The following ANKS1B variants were observed in gnomAD, a reference collection of about 807,000 sequenced individuals.
The protein encoded by ANKS1B is ankyrin repeat and sterile alpha motif domain containing 1B.
A neutral mutation model predicts 148.3 loss-of-function variants in ANKS1B; 36 were observed. The observed-to-expected ratio is 0.24, with a 90% CI of 0.19 to 0.32. The LOEUF (loss-of-function observed/expected upper bound fraction) is 0.32. ANKS1B is among the 10% of genes least tolerant of loss of function. ANKS1B has a pLI of 1.00. For missense variants in ANKS1B, 1,157 were observed against 1,542.6 expected, an observed-to-expected ratio of 0.75 and a Z score of 4.19; for synonymous variants, 542 against 560.8, an observed-to-expected ratio of 0.97 and a Z score of 0.47.
chr12:99,640,576 C>A (rs2098292936), intron 9 of ANKS1B, among the ~76,000 whole-genome samples: 1 of 152,122 alleles, frequency 6.6e-6, no homozygotes, highest in African/African-American at 2.4e-5. Flanking sequence ...GGAAGAAAGC[C>A]CTTGACAGAT....
intron 22 of ANKS1B, among the ~76,000 whole-genome samples, chr12:98,783,735 G>A (rs530785235): frequency 6.6e-6 from 1 of 152,172 alleles, no homozygotes; most frequent in Non-Finnish European, 1.5e-5. Context: ...TGGTGGAGAT[G>A]AGAGTGGTAG....
intron 9 of ANKS1B, among the ~76,000 whole-genome samples, chr12:99,607,512 C>T (rs1201097587): frequency 2.0e-5 from 3 of 151,948 alleles, no homozygotes; most frequent in African/African-American, 7.2e-5. Flanking sequence ...TCAGCAAACA[C>T]AGGCAAAAAT....
intron 8 of ANKS1B, among the ~76,000 whole-genome samples, chr12:99,767,951 A>G (rs978759896): frequency 1.3e-5 from 2 of 152,298 alleles, no homozygotes; most frequent in East Asian, 1.9e-4. Context: ...TTCAAAAATA[A>G]AAGTTCTTAC....
chr12:99,151,791 C>T (rs1318493036), intron 15 of ANKS1B, among the ~76,000 whole-genome samples: 1 of 152,102 alleles, frequency 6.6e-6, no homozygotes, highest in African/African-American at 2.4e-5. Flanking sequence ...AAAAAATTAA[C>T]TCCTGAAAAT....
chr12:99,691,577 T>C (rs981366166), intron 8 of ANKS1B, among the ~76,000 whole-genome samples: 1 of 152,190 alleles, frequency 6.6e-6, no homozygotes, highest in African/African-American at 2.4e-5. Flanking sequence ...ACCTTTACTC[T>C]AGTTCTCAAC....
intron 26 of ANKS1B, among the ~76,000 whole-genome samples, chr12:98,749,899 G>A (rs996038263): frequency 6.6e-6 from 1 of 152,152 alleles, no homozygotes; most frequent in Non-Finnish European, 1.5e-5. Flanking sequence ...TTTAGGGGTA[G>A]GGTGGATGGG....
At chr12:98,856,410 G>A (rs1245755471) in intron 17 of ANKS1B, among the ~76,000 whole-genome samples, 1 of 152,130 alleles carries the variant, frequency 6.6e-6, no homozygotes, top group African/African-American at 2.4e-5. Context: ...GAATCTCAGG[G>A]AAAGAATTCA....
intron 1 of ANKS1B, among the ~76,000 whole-genome samples, chr12:99,928,613 A>T (rs2094535429): frequency 6.6e-6 from 1 of 152,210 alleles, no homozygotes; most frequent in Non-Finnish European, 1.5e-5. Flanking sequence ...GACAAATATT[A>T]AAGTTTTAAT....
At chr12:99,124,260 A>C (rs1429024190) in intron 15 of ANKS1B, among the ~76,000 whole-genome samples, 2 of 152,198 alleles carry the variant, frequency 1.3e-5, no homozygotes, top group Non-Finnish European at 2.9e-5. Context: ...AGGATTTAAG[A>C]AATAATCAGA....
chr12:99,115,570 A>G (rs1210884106), intron 15 of ANKS1B, among the ~76,000 whole-genome samples: 2 of 152,100 alleles, frequency 1.3e-5, no homozygotes, highest in East Asian at 3.9e-4. Context: ...AACCCTCGTG[A>G]CACTAGTTTA....
chr12:99,878,155 G>A (rs1241299458), intron 1 of ANKS1B, among the ~76,000 whole-genome samples: 2 of 152,132 alleles, frequency 1.3e-5, no homozygotes, highest in Non-Finnish European at 2.9e-5. Flanking sequence ...AGCAGTTCAG[G>A]TATATCAGAG....
intron 17 of ANKS1B, among the ~76,000 whole-genome samples, chr12:99,015,919 A>G (rs1363850547): frequency 6.6e-6 from 1 of 152,018 alleles, no homozygotes; most frequent in Non-Finnish European, 1.5e-5. Flanking sequence ...TTGTAGATCT[A>G]TGGTCATTCA....
At chr12:98,814,913 TG>T (rs991626068) in intron 19 of ANKS1B, among the ~76,000 whole-genome samples, 1 of 152,202 alleles carries the variant, frequency 6.6e-6, no homozygotes, top group African/African-American at 2.4e-5. Context: ...GCTCTGGAAA[TG>T]TTTTCTTAAA....
rs923859890 is a variant in ANKS1B, at chr12:98,786,370, T to C, written c.3343-4233A>G. ...GAAACAGGAATCAGAATTTCATATC[T>C]GGAGGTGGCCACCTGAAATATTGTT... On this transcript the variant is annotated intron_variant, in intron 22 of 26. Coordinates refer to ENST00000683438, the MANE Select transcript of ANKS1B (RefSeq NM_001352186.2). Among the ~76,000 whole-genome samples, 4 of 152,352 alleles carry C rather than the reference T, an allele frequency of 2.6e-5. No individual in the cohort carries two copies. In the East Asian group the frequency reaches 7.7e-4, roughly 29 times the overall value.
intron 14 of ANKS1B, among the ~76,000 whole-genome samples, chr12:99,238,298 AG>A (rs2088446944): frequency 6.6e-6 from 1 of 152,220 alleles, no homozygotes; most frequent in African/African-American, 2.4e-5. Context: ...GCTCACTGCT[AG>A]TGCAGCAGTC....
chr12:99,520,455 G>A (rs1399151755), intron 9 of ANKS1B, among the ~76,000 whole-genome samples: 2 of 152,096 alleles, frequency 1.3e-5, no homozygotes, highest in Non-Finnish European at 2.9e-5. Context: ...TATTGGAGCT[G>A]TTATTTGTTA....
chr12:99,311,620 A>C (rs2083185113), intron 12 of ANKS1B, among the ~76,000 whole-genome samples: 1 of 152,116 alleles, frequency 6.6e-6, no homozygotes. Flanking sequence ...AATTACCCAA[A>C]CTGGAAAGTG....
intron 17 of ANKS1B, among the ~76,000 whole-genome samples, chr12:98,924,283 G>A (rs1191808229): frequency 1.3e-5 from 2 of 152,190 alleles, no homozygotes; most frequent in Non-Finnish European, 2.9e-5. Flanking sequence ...CATTACCAGA[G>A]AATAGACTTC....
At chr12:99,052,632 G>A (rs1599048402) in intron 17 of ANKS1B, among the ~76,000 whole-genome samples, 1 of 145,716 alleles carries the variant, frequency 6.9e-6, no homozygotes, top group Admixed American at 6.9e-5. Flanking sequence ...GGAGGCTGAG[G>A]CAGGAGAATG....
Sources: allele counts gnomAD v4.1 joint callset (sites outside exome capture counted in the v4.1 genomes callset), GRCh38; gene constraint gnomAD v4.1.1; transcripts MANE v1.5; gene names NCBI Gene and HGNC (gene_info 2026-07-23, HGNC 2026-07-21).